TMEM168: variants seen among roughly 807,000 people sequenced by gnomAD.
TMEM168 encodes transmembrane protein 168.
In TMEM168, 40 loss-of-function variants were observed where a neutral mutation model predicts 53.2. The observed-to-expected ratio is 0.75, with a 90% CI of 0.58 to 0.98. TMEM168 has a LOEUF of 0.98. TMEM168 is among the 50% of genes least tolerant of loss of function. TMEM168 has a pLI of 0.00. For missense variants in TMEM168, 771 were observed against 828.8 expected (o/e 0.93, Z 0.86); for synonymous variants, 282 against 293.0 (o/e 0.96, Z 0.38).
At chr7:112,782,650 T>A (rs1157635193) in intron 2 of TMEM168, among the ~76,000 whole-genome samples, 2 of 152,192 alleles carry the variant, frequency 1.3e-5, no homozygotes, top group East Asian at 3.9e-4. Context: ...CCCAGCTGAC[T>A]AGAAATCTAG....
At chr7:112,785,304 C>A (rs1333805836) in intron 1 of TMEM168, among the ~76,000 whole-genome samples, 1 of 152,190 alleles carries the variant, frequency 6.6e-6, no homozygotes, top group Non-Finnish European at 1.5e-5. Flanking sequence ...GGTTTTGGTA[C>A]AAGAGAAAGC....
intron 1 of TMEM168, among the ~76,000 whole-genome samples, chr7:112,787,829 T>G (rs1793433924): frequency 6.9e-6 from 1 of 145,932 alleles, no homozygotes; most frequent in African/African-American, 2.5e-5. Flanking sequence ...GCCTCCCGGA[T>G]TCAAGCGATT....
chr7:112,782,408 C>G (rs753757331), intron 2 of TMEM168, among the ~76,000 whole-genome samples: 3 of 152,078 alleles, frequency 2.0e-5, no homozygotes, highest in African/African-American at 4.8e-5. Flanking sequence ...TGGCATCCAG[C>G]ATGAATGAGG....
chr7:112,785,166 T>A (rs1793345061), intron 1 of TMEM168, among the ~76,000 whole-genome samples: 1 of 152,234 alleles, frequency 6.6e-6, no homozygotes, highest in Non-Finnish European at 1.5e-5. Flanking sequence ...CATCATATGC[T>A]ATGACTGCAT....
At chr7:112,768,408 T>C (rs1792843644) in intron 4 of TMEM168, among the ~76,000 whole-genome samples, 1 of 152,150 alleles carries the variant, frequency 6.6e-6, no homozygotes, top group Admixed American at 6.6e-5. Flanking sequence ...TCTGTATCAT[T>C]GTTTCCTTCT....
At chr7:112,773,771 A>G (rs531905296) in intron 3 of TMEM168, among the ~76,000 whole-genome samples, 1 of 152,246 alleles carries the variant, frequency 6.6e-6, no homozygotes, top group African/African-American at 2.4e-5. Context: ...AGGGATTTCT[A>G]TCGGGATTTT....
In TMEM168 at chr7:112,783,905, A is replaced by T. The variant is rs1011820134; in HGVS notation, c.921T>A (p.Ile307=). 1 of 1,597,622 alleles carries T rather than the reference A, an allele frequency of 6.3e-7. No individual in the cohort carries two copies. Among genetic ancestry groups the T allele is most frequent in the Non-Finnish European group, 8.5e-7 (1 of 1,175,776 alleles). Residue 307 remains isoleucine, a synonymous_variant, in exon 2 of 5, where the codon ATT becomes ATA. Coordinates refer to ENST00000312814, the MANE Select transcript of TMEM168 (RefSeq NM_022484.6). The stretch of plus-strand genomic sequence containing the variant: ...GAGTTAAAAGAAAAATAATATGACA[A>T]ATCATCCAGAAAATTCCAAAAATGG... ...GFSIFGIFWM[I]CHIIFLLTLW...
chr7:112,769,557 C>T (rs943682645), intron 4 of TMEM168, among the ~76,000 whole-genome samples: 2 of 151,742 alleles, frequency 1.3e-5, no homozygotes, highest in Non-Finnish European at 2.9e-5. Flanking sequence ...TAGATATCAA[C>T]GAGACCTAAA....
At chr7:112,776,462 G>A (rs1304574139) in intron 2 of TMEM168, among the ~76,000 whole-genome samples, 1 of 151,990 alleles carries the variant, frequency 6.6e-6, no homozygotes, top group East Asian at 1.9e-4. Flanking sequence ...ATGCCTAGGT[G>A]CATGAACACA....
rs1212943825 is a variant in TMEM168 at position 112,765,698 on chromosome 7, A to C, written c.*1499T>G. On this transcript the variant is annotated 3_prime_UTR_variant, in exon 5 of 5. Coordinates refer to ENST00000312814, the MANE Select transcript of TMEM168 (RefSeq NM_022484.6). ...CTACCACTTTTAATAAATATACTAAAATATTCAATATTTGCACATCATTAA... is the reference window on the plus strand; with the variant it reads ...CTACCACTTTTAATAAATATACTAACATATTCAATATTTGCACATCATTAA... 1 of 152,564 alleles carries C rather than the reference A, an allele frequency of 6.6e-6. No homozygotes were observed. Among genetic ancestry groups the C allele is most frequent in the Non-Finnish European group, 1.5e-5 (1 of 68,022 alleles). The allele number at this position is 152,564 out of a possible 1,614,324, so 9.5% of individuals were successfully genotyped here.
intron 1 of TMEM168, chr7:112,788,541 C>T (rs1407583304): frequency 6.6e-6 from 1 of 152,190 alleles, no homozygotes; most frequent in Non-Finnish European, 1.5e-5. Flanking sequence ...CTTCAAAAGA[C>T]AGCCTGAGTT....
At position 112,775,253 on chromosome 7, in the gene TMEM168, C is replaced by G. The variant is rs758541773; in HGVS notation, c.1194G>C (p.Gly398=). The part of the protein sequence containing the change: ...IVLPLESMAH[G]LFHELGNCLG... The stretch of plus-strand genomic sequence containing the variant: ...AACAGTTACCCAATTCATGGAAGAG[C>G]CCATGAGCCATGGATTCCAATGGCA... Residue 398 remains glycine, a synonymous_variant, in exon 3 of 5, where the codon GGG becomes GGC. Transcript: ENST00000312814. 8 of 1,613,342 alleles carry G rather than the reference C, an allele frequency of 5.0e-6. 1 individual carries two copies. The South Asian group carries it at 8.8e-5, about 18-fold the overall frequency.
intron 2 of TMEM168, among the ~76,000 whole-genome samples, chr7:112,782,618 C>T (rs893732072): frequency 6.6e-6 from 1 of 152,154 alleles, no homozygotes; most frequent in Non-Finnish European, 1.5e-5. Context: ...TGGCTGACTC[C>T]CACACAGGAT....
chr7:112,767,665 G>T lies in TMEM168; in HGVS notation c.1626C>A (p.Ile542=). The change falls in exon 5 of 5, where the codon ATC becomes ATA. Residue 542 remains isoleucine (I), a synonymous_variant. Transcript: ENST00000312814. ...KNGSFCSRLI[I]VLDSENSTPW... ...GGGTTGAATTTTCGCTGTCTAATAC[G>T]ATAATAAGCCGGGAACAAAAGGAAC... 6.2e-7 allele frequency: 1 copy of T among 1,613,912 alleles called. No homozygotes were observed. The highest frequency in any genetic ancestry group is 1.3e-5 in the African/African-American group (1 of 74,966).
At chr7:112,768,094 C>T (rs1159136559) in intron 4 of TMEM168, among the ~76,000 whole-genome samples, 1 of 152,114 alleles carries the variant, frequency 6.6e-6, no homozygotes, top group African/African-American at 2.4e-5. Flanking sequence ...GCAGCAACTA[C>T]AACTCATGGG....
rs1007749495 is a variant in TMEM168, at chr7:112,765,566, G to A, written c.*1631C>T. On this transcript the variant is annotated 3_prime_UTR_variant, in exon 5 of 5. Coordinates refer to ENST00000312814, the MANE Select transcript of TMEM168 (RefSeq NM_022484.6). The stretch of plus-strand genomic sequence containing the variant: ...TTCTACTACCCTACTGCTGAACAGA[G>A]CAATAAAAAAAACTATACTATTTTA... 6.6e-6 allele frequency: 1 copy of A among 151,702 alleles called. No homozygotes were observed. Among genetic ancestry groups the A allele is most frequent in the Non-Finnish European group, 1.5e-5 (1 of 67,916 alleles). 9.4% of individuals were successfully genotyped at this position (151,702 alleles called of 1,614,324 possible). A position where few individuals can be genotyped will look rare whatever the true frequency, so the allele number is the denominator to read the frequency against.
Position 112,767,443 on chromosome 7 carries a change from A to G in TMEM168, c.1848T>C (p.Tyr616=), listed in dbSNP as rs372759565. ...AGTCACTCCACCGTTTTGACACACCATATACTGCTTTCACTGTGCGTCCCT... is the reference window on the plus strand; with the variant it reads ...AGTCACTCCACCGTTTTGACACACCGTATACTGCTTTCACTGTGCGTCCCT... ...TEKGRTVKAV[Y]GVSKRWSDYT... is the part of the protein sequence containing the mutation. The change falls in exon 5 of 5, where the codon TAT becomes TAC. Residue 616 remains tyrosine, a synonymous_variant. Transcript: ENST00000312814. The G allele has an allele frequency of 4.8e-5, 77 of 1,614,054 alleles. No homozygotes were observed. Among genetic ancestry groups the G allele is most frequent in the Non-Finnish European group, 6.1e-5 (72 of 1,180,030 alleles).
Position 112,783,872 on chromosome 7 carries a change from T to A in TMEM168, c.954A>T (p.Gly318=). ...GGCAGTCATTTAATTTGGTATGGAA[T>A]CCCCAAAGAGTTAAAAGAAAAATAA... ...CHIIFLLTLW[G]FHTKLNDCHK... Residue 318 remains glycine, a synonymous_variant, in exon 2 of 5, where the codon GGA becomes GGT. Coordinates refer to ENST00000312814, the MANE Select transcript of TMEM168 (RefSeq NM_022484.6). 6.2e-7 allele frequency: 1 copy of A among 1,602,796 alleles called. No individual in the cohort carries two copies. Among genetic ancestry groups the A allele is most frequent in the Non-Finnish European group, 8.5e-7 (1 of 1,176,766 alleles).
intron 1 of TMEM168, among the ~76,000 whole-genome samples, chr7:112,789,277 C>A (rs184129589): frequency 6.6e-6 from 1 of 151,816 alleles, no homozygotes; most frequent in Non-Finnish European, 1.5e-5. Flanking sequence ...CTGTTACATA[C>A]CATCACTTAT....
Sources: gnomAD v4.1 joint callset for allele counts (sites outside exome capture counted in the v4.1 genomes callset) on GRCh38, gnomAD v4.1.1 for gene constraint, MANE v1.5 for transcripts, NCBI Gene and HGNC (gene_info 2026-07-23, HGNC 2026-07-21) for gene names.